The following INPP5F variants were observed in gnomAD, a reference collection of about 807,000 sequenced individuals.
The protein encoded by INPP5F is phosphatidylinositide 4-phosphatase SAC2.
INPP5F carries 97 observed loss-of-function variants against 137.2 expected under a neutral mutation model. That is an observed-to-expected ratio of 0.71 (90% CI 0.60 to 0.84). The LOEUF is 0.84. Among genes scored for constraint, INPP5F ranks in the 40% least tolerant of loss-of-function variants. The pLI, the probability that INPP5F is intolerant of heterozygous loss-of-function variation, is 0.00. For missense variants in INPP5F, 1,271 were observed against 1,371.9 expected (o/e 0.93, Z 1.16); for synonymous variants, 504 against 476.9 (o/e 1.06, Z -0.74).
Position 119,827,823 on chromosome 10 carries a change from A to G in INPP5F, c.*43A>G, listed in dbSNP as rs766800452. 3 of 1,391,138 alleles carry G rather than the reference A, an allele frequency of 2.2e-6. No individual in the cohort carries two copies. The highest frequency in any genetic ancestry group is 3.0e-6 in the Non-Finnish European group (3 of 1,016,540). 86.2% of individuals were successfully genotyped at this position (1,391,138 alleles called of 1,614,324 possible). On this transcript the variant is annotated 3_prime_UTR_variant, in exon 20 of 20. Transcript: ENST00000650623. ...CCTTCCATGGCTTTTATTTAAAAAT[A>G]TGAAATTTTCACCTCTTGGGGTATT...
intron 1 of INPP5F, among the ~76,000 whole-genome samples, chr10:119,726,842 C>G (rs952917078): frequency 6.6e-6 from 1 of 152,224 alleles, no homozygotes; most frequent in Non-Finnish European, 1.5e-5. Flanking sequence ...TGTTCTTGGT[C>G]CCTTATTATT....
chr10:119,730,945 G>T (rs981920951), intron 1 of INPP5F, among the ~76,000 whole-genome samples: 1 of 151,922 alleles, frequency 6.6e-6, no homozygotes, highest in African/African-American at 2.4e-5. Context: ...GCGCCACCAC[G>T]CCCAGCTAAT....
chr10:119,759,637 T>C (rs1009044275), intron 2 of INPP5F, among the ~76,000 whole-genome samples: 10 of 152,214 alleles, frequency 6.6e-5, no homozygotes, highest in African/African-American at 2.4e-4. Flanking sequence ...ATTACAGGCA[T>C]GAGTCACCAC....
chr10:119,824,292 C>G (rs1333721077), intron 19 of INPP5F, among the ~76,000 whole-genome samples: 1 of 152,234 alleles, frequency 6.6e-6, no homozygotes, highest in African/African-American at 2.4e-5. Flanking sequence ...AGGATCCAGT[C>G]TGGGATTCCA....
chr10:119,789,427 C>T (rs111384142), intron 3 of INPP5F, among the ~76,000 whole-genome samples: 1,638 of 152,198 alleles, frequency 0.011, 6 homozygotes, highest in Non-Finnish European at 0.018. Context: ...TAGCAGGAGA[C>T]CAAAGGGAAA....
Position 119,827,187 on chromosome 10 carries a change from C to T in INPP5F, c.2806C>T (p.Pro936Ser). The T allele has an allele frequency of 1.9e-6, 3 of 1,614,066 alleles. No homozygotes were observed. The highest frequency in any genetic ancestry group is 2.2e-5 in the South Asian group (2 of 91,078). Reference sequence around the variant, plus strand: ...TGGGCTTGGAAAAGGCCAGGAGTCTCCTTTGAAGAAAAGTCCTTCTGCTGG... The same window carrying T: ...TGGGCTTGGAAAAGGCCAGGAGTCTTCTTTGAAGAAAAGTCCTTCTGCTGG... ...GSGLGKGQES[P>S]LKKSPSAGDV... The change falls in exon 20 of 20, where the codon CCT (proline) becomes TCT (serine). Residue 936 changes from proline to serine, a missense_variant. Coordinates refer to ENST00000650623, the MANE Select transcript of INPP5F (RefSeq NM_014937.4).
intron 2 of INPP5F, among the ~76,000 whole-genome samples, chr10:119,774,271 A>AG (rs1454910384): frequency 6.6e-6 from 1 of 151,488 alleles, no homozygotes; most frequent in East Asian, 1.9e-4. Context: ...CAAAAAAAAA[A>AG]AAAAAAAAAA....
chr10:119,809,217 ACT>A (rs1229015545), intron 13 of INPP5F, among the ~76,000 whole-genome samples: 2 of 133,154 alleles, frequency 1.5e-5, no homozygotes, highest in African/African-American at 2.9e-5. Context: ...ACAGAGCGAG[ACT>A]CTGTCTCAAA....
In INPP5F at chr10:119,817,417, C is replaced by A. The variant is rs555779432; in HGVS notation, c.1887-3429C>A. ...ACTGCCAAACTATTTTCTACAGTGGCCACGCCGTTTTACGTTTCCACCAGC... is the reference window on the plus strand; with the variant it reads ...ACTGCCAAACTATTTTCTACAGTGGACACGCCGTTTTACGTTTCCACCAGC... On this transcript the variant is annotated intron_variant, in intron 15 of 19. Coordinates refer to ENST00000650623, the MANE Select transcript of INPP5F (RefSeq NM_014937.4). Among the ~76,000 whole-genome samples, 3 of 152,306 alleles carry A rather than the reference C, an allele frequency of 2.0e-5. No homozygotes were observed. In the East Asian group the frequency reaches 5.8e-4, roughly 29 times the overall value.
Position 119,824,554 on chromosome 10 carries a change from G to T in INPP5F, c.2249+652G>T, listed in dbSNP as rs1416371138. The stretch of plus-strand genomic sequence containing the variant: ...GCGTGATGGCCTGTGTAGTATTGTT[G>T]AGGTTAAGCTTGATTACTTGGCTGG... On this transcript the variant is annotated intron_variant, in intron 19 of 19. Transcript: ENST00000650623. 5.9e-5 allele frequency among the ~76,000 whole-genome samples: 9 copies of T among 152,170 alleles called. No homozygotes were observed. In the East Asian group the frequency reaches 1.7e-3, roughly 29 times the overall value.
chr10:119,736,322 C>T (rs1267402451), intron 1 of INPP5F, among the ~76,000 whole-genome samples: 1 of 152,186 alleles, frequency 6.6e-6, no homozygotes, highest in Non-Finnish European at 1.5e-5. Flanking sequence ...CATTCCCAAA[C>T]CATGACTTTT....
At chr10:119,800,744 A>G (rs1850559108) in intron 9 of INPP5F, among the ~76,000 whole-genome samples, 1 of 151,982 alleles carries the variant, frequency 6.6e-6, no homozygotes, top group African/African-American at 2.4e-5. Flanking sequence ...CTAACATAAA[A>G]AAGTTAAGAA....
chr10:119,803,374 AG>A (rs902298441), intron 9 of INPP5F, among the ~76,000 whole-genome samples: 83 of 152,318 alleles, frequency 5.4e-4, no homozygotes, highest in African/African-American at 1.9e-3. Context: ...TAGACATCCC[AG>A]TATCATTTAT....
chr10:119,765,295 CTATT>C (rs1391649207), intron 2 of INPP5F, among the ~76,000 whole-genome samples: 2 of 152,044 alleles, frequency 1.3e-5, no homozygotes, highest in African/African-American at 4.8e-5. Context: ...TGTTAATCAA[CTATT>C]TATGTTATTA....
In INPP5F at chr10:119,786,611, C is replaced by T. The variant is rs748378552; in HGVS notation, c.315+4840C>T. On this transcript the variant is annotated intron_variant, in intron 3 of 19. Coordinates refer to ENST00000650623, the MANE Select transcript of INPP5F (RefSeq NM_014937.4). ...TGTCACACAGGCTGGAATGCAGTGA[C>T]GCAATCATCCTGCCTTCAGCCCCCC... 4.6e-5 allele frequency among the ~76,000 whole-genome samples: 7 copies of T among 152,200 alleles called. No individual in the cohort carries two copies. The South Asian group carries it at 6.2e-4, about 14-fold the overall frequency.
chr10:119,770,365 CAAAT>C (rs1348881075), intron 2 of INPP5F, among the ~76,000 whole-genome samples: 2 of 152,116 alleles, frequency 1.3e-5, no homozygotes, highest in Non-Finnish European at 2.9e-5. Context: ...TGGTGGGTAA[CAAAT>C]AAATACATAG....
chr10:119,813,512 C>A (rs1851129517), intron 15 of INPP5F, among the ~76,000 whole-genome samples: 1 of 152,046 alleles, frequency 6.6e-6, no homozygotes, highest in South Asian at 2.1e-4. Context: ...ATGATCCCAG[C>A]TACTCGGGAG....
At chr10:119,793,687 C>T (rs561068375) in intron 6 of INPP5F, 2 of 152,346 alleles carry the variant, frequency 1.3e-5, no homozygotes, top group Non-Finnish European at 2.9e-5. Flanking sequence ...CTCTCTGTCA[C>T]CCAGGCTGGA....
intron 15 of INPP5F, among the ~76,000 whole-genome samples, chr10:119,820,132 T>C (rs1851496331): frequency 1.3e-5 from 2 of 152,220 alleles, no homozygotes. Context: ...ATTTGTAGAT[T>C]TTATACTTTA....
Sources: allele counts gnomAD v4.1 joint callset (sites outside exome capture counted in the v4.1 genomes callset), GRCh38; gene constraint gnomAD v4.1.1; transcripts MANE v1.5; gene names NCBI Gene and HGNC (gene_info 2026-07-23, HGNC 2026-07-21).